Variants in ATP2B2 observed in about 807,000 individuals in gnomAD.
The protein encoded by ATP2B2 is plasma membrane calcium-transporting ATPase 2.
In ATP2B2, 15 loss-of-function variants were observed where a neutral mutation model predicts 120.0. The observed-to-expected ratio is 0.12, with a 90% CI of 0.08 to 0.19. The LOEUF is 0.19. ATP2B2 is among the 10% of genes least tolerant of loss of function. The pLI is 1.00. For missense variants in ATP2B2, 1,045 were observed against 1,719.8 expected, an observed-to-expected ratio of 0.61 and a Z score of 6.94; for synonymous variants, 694 against 700.3, an observed-to-expected ratio of 0.99 and a Z score of 0.14.
intron 2 of ATP2B2, among the ~76,000 whole-genome samples, chr3:10,594,671 C>T (rs1361775823): frequency 6.6e-6 from 1 of 151,296 alleles, no homozygotes; most frequent in Non-Finnish European, 1.5e-5. Flanking sequence ...ACATATGTAA[C>T]AAACCTGCAC....
chr3:10,573,895 G>C (rs968424234), intron 2 of ATP2B2, among the ~76,000 whole-genome samples: 4 of 152,098 alleles, frequency 2.6e-5, no homozygotes, highest in African/African-American at 7.2e-5. Flanking sequence ...CGTCTGCCTG[G>C]TCCTGCTTGC....
chr3:10,449,445 G>A lies in ATP2B2; in HGVS notation c.99C>T (p.Ser33=). The A allele has an allele frequency of 6.2e-7, 1 of 1,614,244 alleles. No homozygotes were observed. Among genetic ancestry groups the A allele is most frequent in the Non-Finnish European group, 8.5e-7 (1 of 1,180,044 alleles). Reference sequence around the variant, plus strand: ...CCTCAGTGCCCCGCAGCTCCATGAGGGAGCGGAGCTCCTCCATTGTGCACC... The same window carrying A: ...CCTCAGTGCCCCGCAGCTCCATGAGAGAGCGGAGCTCCTCCATTGTGCACC... ...EFGCTMEELR[S]LMELRGTEAV... is the part of the protein sequence containing the mutation. Residue 33 remains serine (S), a synonymous_variant, in exon 2 of 23, where the codon TCC becomes TCT. Coordinates refer to ENST00000360273, the MANE Select transcript of ATP2B2 (RefSeq NM_001001331.4).
At chr3:10,524,274 A>T (rs1427525259) in intron 3 of ATP2B2, among the ~76,000 whole-genome samples, 3 of 152,114 alleles carry the variant, frequency 2.0e-5, no homozygotes, top group Admixed American at 2.0e-4. Context: ...TTTAAAACGC[A>T]CTCATGATAT....
At chr3:10,388,504 G>T in intron 5 of ATP2B2, 102 bp from the exon 6 acceptor site, 1 of 1,545,652 alleles carries the variant, frequency 6.5e-7, no homozygotes, top group Non-Finnish European at 8.9e-7. Flanking sequence ...CTCTTTGCCT[G>T]CAGAGGTCAT....
intron 1 of ATP2B2, among the ~76,000 whole-genome samples, chr3:10,653,835 A>G (rs1250731462): frequency 6.6e-6 from 1 of 152,080 alleles, no homozygotes; most frequent in Non-Finnish European, 1.5e-5. Context: ...CAGACCCTAC[A>G]GCACTTTTTC....
intron 2 of ATP2B2, among the ~76,000 whole-genome samples, chr3:10,417,066 CGGCGG>C (rs1307141258): frequency 5.2e-5 from 2 of 38,104 alleles, no homozygotes; most frequent in African/African-American, 4.6e-4. Context: ...TCCCAGACGG[CGGCGG>C]GGGGGGGCGG....
In ATP2B2 at chr3:10,358,789, G is replaced by A. The variant is rs1342958763; in HGVS notation, c.2038C>T (p.Pro680Ser). The A allele has an allele frequency of 7.4e-6, 12 of 1,614,108 alleles. No homozygotes were observed. Among genetic ancestry groups the A allele is most frequent in the Admixed American group, 5.0e-5 (3 of 60,014 alleles). The change falls in exon 14 of 23, where the codon CCC becomes TCC. Residue 680 changes from proline (P) to serine (S), a missense_variant. Pro to Ser is a moderately conservative substitution (Grantham distance 74). Transcript: ENST00000360273. ...TCCCAGTCCGGCTCCGGGCTGCTGG[G>A]GAAGTCGCGGTAGGCCACGCAGATA... ...RTICVAYRDF[P>S]SSPEPDWDNE... is the part of the protein sequence containing the mutation.
chr3:10,507,653 C>T (rs888922005), upstream of ATP2B2, among the ~76,000 whole-genome samples: 9 of 152,190 alleles, frequency 5.9e-5, no homozygotes, highest in South Asian at 8.3e-4. Flanking sequence ...CAAAATAGCC[C>T]GAGAAGCAGC....
intron 2 of ATP2B2, among the ~76,000 whole-genome samples, chr3:10,430,624 C>A (rs1330353842): frequency 6.6e-6 from 1 of 151,912 alleles, no homozygotes; most frequent in African/African-American, 2.4e-5. Context: ...CTTTGGGTAT[C>A]CTAACATTCC....
intron 2 of ATP2B2, among the ~76,000 whole-genome samples, chr3:10,585,564 C>T (rs115968116): frequency 6.6e-6 from 1 of 150,808 alleles, no homozygotes; most frequent in Admixed American, 6.6e-5. Flanking sequence ...CCGACTCTAC[C>T]CATCTCTGCA....
At chr3:10,533,752 G>A (rs1409481667) in intron 3 of ATP2B2, among the ~76,000 whole-genome samples, 2 of 152,228 alleles carry the variant, frequency 1.3e-5, no homozygotes, top group African/African-American at 4.8e-5. Flanking sequence ...CCAGTGCTGG[G>A]ACAGACCCTG....
At chr3:10,688,580 G>T (rs1332394434) in intron 1 of ATP2B2, among the ~76,000 whole-genome samples, 2 of 152,134 alleles carry the variant, frequency 1.3e-5, no homozygotes, top group African/African-American at 2.4e-5. Context: ...AATGACCCAG[G>T]TCCCCCAAGA....
intron 2 of ATP2B2, among the ~76,000 whole-genome samples, chr3:10,604,864 C>T (rs1259505767): frequency 6.6e-6 from 1 of 152,158 alleles, no homozygotes; most frequent in African/African-American, 2.4e-5. Flanking sequence ...GGGTGTGGGG[C>T]CTGTGGATAT....
intron 2 of ATP2B2, among the ~76,000 whole-genome samples, chr3:10,605,952 T>C (rs1019394440): frequency 2.6e-5 from 4 of 152,036 alleles, no homozygotes; most frequent in Non-Finnish European, 4.4e-5. Flanking sequence ...CCCAGCCCTC[T>C]ACATTTTTTT....
chr3:10,572,945 C>A (rs1453452166), intron 2 of ATP2B2, among the ~76,000 whole-genome samples: 3 of 152,158 alleles, frequency 2.0e-5, no homozygotes, highest in African/African-American at 7.2e-5. Context: ...GAGACAGGAA[C>A]ACAATAAGGC....
intron 12 of ATP2B2, among the ~76,000 whole-genome samples, chr3:10,370,405 T>C (rs2125498849): frequency 6.6e-6 from 1 of 152,350 alleles, no homozygotes; most frequent in East Asian, 1.9e-4. Flanking sequence ...AAAGCATCGC[T>C]GATCTCCCTT....
intron 14 of ATP2B2, among the ~76,000 whole-genome samples, chr3:10,356,135 C>CTTTCCTT (rs953303172): frequency 2.1e-5 from 2 of 96,084 alleles, no homozygotes; most frequent in African/African-American, 7.1e-5. Flanking sequence ...ACTACTTGTC[C>CTTTCCTT]TTTCCTTTGT....
rs555340404 is a variant in ATP2B2 at position 10,342,538 on chromosome 3, T to A, written c.2917+214A>T. ...TGTCACCAGTGGAGAAAGCCACTGA[T>A]GGCTTTAGGGTTAGCCAGAGCTGGG... On this transcript the variant is annotated intron_variant, in intron 19 of 22. Transcript: ENST00000360273. This position sits in a 1 kb window ranked among gnomAD's most constrained non-coding sequence, Gnocchi z 4.4. Among the ~76,000 whole-genome samples the A allele has an allele frequency of 1.3e-5, 2 of 152,294 alleles. No homozygotes were observed. Among genetic ancestry groups the A allele is most frequent in the African/African-American group, 4.8e-5 (2 of 41,556 alleles).
Position 10,573,666 on chromosome 3 carries a change from G to A in ATP2B2, c.-414-39533C>T, listed in dbSNP as rs76765305. On this transcript the variant is annotated intron_variant, in intron 2 of 21. Transcript: ENST00000646379. ...TACCATCCTTCAGCAAGAACTGGCTGGGGTAGAAATAGCCTATGCTGAGCC... is the reference window on the plus strand; with the variant it reads ...TACCATCCTTCAGCAAGAACTGGCTAGGGTAGAAATAGCCTATGCTGAGCC... 3.9e-3 allele frequency among the ~76,000 whole-genome samples: 588 copies of A among 152,280 alleles called. 38 individuals are homozygous for A. In the East Asian group the frequency reaches 0.093, roughly 24 times the overall value.
Sources: allele counts gnomAD v4.1 joint callset (sites outside exome capture counted in the v4.1 genomes callset), GRCh38; gene constraint gnomAD v4.1.1; non-coding constraint Gnocchi (gnomAD v3.1); transcripts MANE v1.5; gene names NCBI Gene and HGNC (gene_info 2026-07-23, HGNC 2026-07-21).